Variants in UMAD1 observed in about 807,000 individuals in gnomAD.
UMAD1 encodes the protein UBAP1-MVB12-associated (UMA)-domain containing protein 1.
In UMAD1, 8 loss-of-function variants were observed where a neutral mutation model predicts 6.1. The ratio of observed to expected loss-of-function variants is 1.30; its 90% confidence interval spans 0.76 to 2.35. The LOEUF is 2.35. Ranked by LOEUF, UMAD1 falls within the 30% of genes most tolerant of loss-of-function variation. The pLI, the probability that UMAD1 is intolerant of heterozygous loss-of-function variation, is 0.00. For synonymous variants in UMAD1, 56 were observed against 31.4 expected (o/e 1.78, Z -2.61); for missense variants, 130 against 78.4 (o/e 1.66, Z -2.49).
chr7:7,845,403 C>G (rs899327517), intron 3 of UMAD1, among the ~76,000 whole-genome samples: 5 of 151,996 alleles, frequency 3.3e-5, no homozygotes, highest in Non-Finnish European at 7.4e-5. Flanking sequence ...TTCAGGAAAC[C>G]TCATAGAATT....
intron 3 of UMAD1, among the ~76,000 whole-genome samples, chr7:7,817,619 A>T (rs1210814370): frequency 6.6e-6 from 1 of 152,186 alleles, no homozygotes; most frequent in Non-Finnish European, 1.5e-5. Context: ...CTCAAATCCT[A>T]AAGTGACTCT....
At chr7:7,791,514 A>C (rs1341480332) in intron 2 of UMAD1, among the ~76,000 whole-genome samples, 1 of 152,240 alleles carries the variant, frequency 6.6e-6, no homozygotes, top group African/African-American at 2.4e-5. Flanking sequence ...ATACAAAATT[A>C]ATTTGGCCTT....
intron 2 of UMAD1, chr7:7,676,160 C>T: frequency 2.5e-6 from 1 of 398,602 alleles, no homozygotes. Flanking sequence ...TGGGTCAGAC[C>T]CTTTGGGTTG....
rs953908274 is a variant in UMAD1 at position 7,830,514 on chromosome 7, C to A, written c.156+28771C>A. On this transcript the variant is annotated intron_variant, in intron 3 of 3. Transcript: ENST00000682710. This position sits in a 1 kb window ranked among gnomAD's most constrained non-coding sequence, Gnocchi z 5.3. The stretch of plus-strand genomic sequence containing the variant: ...TCTCTTTCTTTTCCCTTTTTCGTTT[C>A]TTTTCTTTCTTTTAACATGCGTGTT... 6.6e-6 allele frequency among the ~76,000 whole-genome samples: 1 copy of A among 151,598 alleles called. No homozygotes were observed. The highest frequency in any genetic ancestry group is 1.5e-5 in the Non-Finnish European group (1 of 67,852).
chr7:7,767,217 C>T (rs548240407), intron 2 of UMAD1, among the ~76,000 whole-genome samples: 15 of 150,892 alleles, frequency 9.9e-5, no homozygotes, highest in African/African-American at 3.2e-4. Flanking sequence ...CTCCGCCTCC[C>T]GGGTTCACGC....
At chr7:7,651,972 T>C (rs1563085431) in intron 1 of UMAD1, among the ~76,000 whole-genome samples, 2 of 152,144 alleles carry the variant, frequency 1.3e-5, no homozygotes. Context: ...CTCTCTCCCC[T>C]TGCAAGAGCT....
chr7:7,855,208 G>T (rs192229522), intron 3 of UMAD1, among the ~76,000 whole-genome samples: 1 of 152,308 alleles, frequency 6.6e-6, no homozygotes, highest in Non-Finnish European at 1.5e-5. Flanking sequence ...CCATTTTGGG[G>T]TCTGGAGGAT....
At chr7:7,790,867 T>C (rs1435547420) in intron 2 of UMAD1, among the ~76,000 whole-genome samples, 1 of 152,014 alleles carries the variant, frequency 6.6e-6, no homozygotes, top group Non-Finnish European at 1.5e-5. Flanking sequence ...ACATGATCTG[T>C]GATTTGCAAG....
intron 1 of UMAD1, among the ~76,000 whole-genome samples, chr7:7,650,338 G>A (rs1785196782): frequency 6.6e-6 from 1 of 152,102 alleles, no homozygotes; most frequent in African/African-American, 2.4e-5. Context: ...TTTTCTGAGT[G>A]TTTATTTCAT....
chr7:7,827,293 A>G (rs1028978913), intron 3 of UMAD1, among the ~76,000 whole-genome samples: 3 of 152,046 alleles, frequency 2.0e-5, no homozygotes, highest in African/African-American at 7.2e-5. Flanking sequence ...TTCCAGATAC[A>G]AAGAGTAATT....
intron 3 of UMAD1, among the ~76,000 whole-genome samples, chr7:7,807,791 C>T (rs865873470): frequency 6.6e-6 from 1 of 151,990 alleles, no homozygotes; most frequent in African/African-American, 2.4e-5. Flanking sequence ...CCAGAAAAAT[C>T]GAAAGTTTTC....
chr7:7,838,136 A>G (rs1462196437), intron 3 of UMAD1, among the ~76,000 whole-genome samples: 2 of 151,858 alleles, frequency 1.3e-5, no homozygotes, highest in Non-Finnish European at 2.9e-5. Context: ...TGAATAAACC[A>G]GGGATCAGCA....
At chr7:7,667,502 T>C (rs1236622392) in intron 1 of UMAD1, among the ~76,000 whole-genome samples, 1 of 152,214 alleles carries the variant, frequency 6.6e-6, no homozygotes, top group Non-Finnish European at 1.5e-5. Context: ...AGAAATATGA[T>C]GGGCAGAGGT....
At chr7:7,755,460 G>A (rs1318765618) in intron 2 of UMAD1, among the ~76,000 whole-genome samples, 1 of 152,168 alleles carries the variant, frequency 6.6e-6, no homozygotes, top group Non-Finnish European at 1.5e-5. Context: ...CCTCTTTCTT[G>A]CTAGATTGAA....
At chr7:7,660,823 A>T (rs140152438) in intron 1 of UMAD1, among the ~76,000 whole-genome samples, 8 of 152,082 alleles carry the variant, frequency 5.3e-5, no homozygotes, top group Non-Finnish European at 1.0e-4. Context: ...TGTTCTCTGT[A>T]TTTCCTGAAT....
intron 3 of UMAD1, among the ~76,000 whole-genome samples, chr7:7,875,067 C>T (rs1341183267): frequency 1.3e-5 from 2 of 152,160 alleles, no homozygotes; most frequent in Middle Eastern, 3.2e-3. Flanking sequence ...AGCCACCGTG[C>T]CCGGCCCAGA....
intron 3 of UMAD1, among the ~76,000 whole-genome samples, chr7:7,828,176 C>A (rs770552094): frequency 1.3e-5 from 2 of 152,206 alleles, no homozygotes; most frequent in Non-Finnish European, 2.9e-5. Context: ...TACAACCTGG[C>A]CAGGGTTTTT....
intron 2 of UMAD1, among the ~76,000 whole-genome samples, chr7:7,784,753 CTTCTT>C (rs1782426326): frequency 7.3e-6 from 1 of 137,516 alleles, no homozygotes; most frequent in Non-Finnish European, 1.5e-5. Flanking sequence ...TCTGCCCTTC[CTTCTT>C]TTTTTTTTTT....
At chr7:7,647,305 G>C (rs958567115) in intron 1 of UMAD1, among the ~76,000 whole-genome samples, 1 of 152,118 alleles carries the variant, frequency 6.6e-6, no homozygotes, top group African/African-American at 2.4e-5. Flanking sequence ...ATAATTCCCA[G>C]TGAAACTGCA....
Sources: allele counts gnomAD v4.1 joint callset (sites outside exome capture counted in the v4.1 genomes callset), GRCh38; gene constraint gnomAD v4.1.1; non-coding constraint Gnocchi (gnomAD v3.1); transcripts MANE v1.5; gene names NCBI Gene and HGNC (gene_info 2026-07-23, HGNC 2026-07-21).